PPIP5K2: variants seen among roughly 807,000 people sequenced by gnomAD.
PPIP5K2 encodes the protein diphosphoinositol pentakisphosphate kinase 2.
A neutral mutation model predicts 154.6 loss-of-function variants in PPIP5K2; 105 were observed. The ratio of observed to expected loss-of-function variants is 0.68; its 90% confidence interval spans 0.58 to 0.80. The LOEUF (loss-of-function observed/expected upper bound fraction) is 0.80. Among genes scored for constraint, PPIP5K2 ranks in the 30% least tolerant of loss-of-function variants. The pLI, the probability that PPIP5K2 is intolerant of heterozygous loss-of-function variation, is 0.00. For synonymous variants in PPIP5K2, 480 were observed against 490.3 expected (o/e 0.98, Z 0.28); for missense variants, 992 against 1,504.6 (o/e 0.66, Z 5.64).
chr5:103,163,107 T>G (rs1172829695), intron 17 of PPIP5K2, among the ~76,000 whole-genome samples: 1 of 141,746 alleles, frequency 7.1e-6, no homozygotes, highest in African/African-American at 2.8e-5. Context: ...TTTTTTTTTT[T>G]GCATTTTCAT....
In PPIP5K2 at chr5:103,183,438, TC is replaced by T. The variant is rs782000632; in HGVS notation, c.3096+33del. ...TAAACTTTACTTCATTAAACATTTT[TC>T]CTCCCTGCATTCAGAGCAACAAACA... On this transcript the variant is annotated intron_variant, in intron 25 of 30. Transcript: ENST00000358359. 66 of 1,570,900 alleles carry T rather than the reference TC, an allele frequency of 4.2e-5. No homozygotes were observed. In the African/African-American group the frequency reaches 7.6e-4, roughly 18 times the overall value.
At chr5:103,123,057 A>C (rs1554199594) in intron 1 of PPIP5K2, among the ~76,000 whole-genome samples, 2 of 152,224 alleles carry the variant, frequency 1.3e-5, no homozygotes, top group Admixed American at 6.5e-5. Flanking sequence ...TTCATTAGAC[A>C]AGAGGTAAGT....
At chr5:103,195,565 T>C (rs1554228267) in intron 30 of PPIP5K2, among the ~76,000 whole-genome samples, 1 of 152,228 alleles carries the variant, frequency 6.6e-6, no homozygotes, top group Non-Finnish European at 1.5e-5. Flanking sequence ...TTTTTCTACT[T>C]TAATTATGTG....
Position 103,153,830 on chromosome 5 carries a change from T to C in PPIP5K2, c.1131-18T>C, listed in dbSNP as rs781878110. The C allele has an allele frequency of 3.6e-5, 55 of 1,535,896 alleles. 2 individuals are homozygous for C. The South Asian group carries it at 5.1e-4, about 14-fold the overall frequency. On this transcript the variant is annotated intron_variant, in intron 10 of 30. Coordinates refer to ENST00000358359, the MANE Select transcript of PPIP5K2 (RefSeq NM_001276277.3). ...TCTTTTTTAGAGAATTAAGAACATA[T>C]ATATTTTTTCATTTTAGGATGGAAC...
intron 24 of PPIP5K2, among the ~76,000 whole-genome samples, chr5:103,182,079 G>A (rs576615825): frequency 6.6e-6 from 1 of 152,172 alleles, no homozygotes; most frequent in African/African-American, 2.4e-5. Context: ...CAGAAAATTT[G>A]GGAAATAAGC....
Position 103,184,752 on chromosome 5 carries a change from G to C in PPIP5K2, c.3169+8G>C. On this transcript the variant is annotated splice_region_variant and intron_variant, in intron 26 of 30. Transcript: ENST00000358359. ...AGCAGAATCCTACTGTAGGTATGTG[G>C]TGTAAAGGAAATTGTGTTCCATACC... is the stretch of plus-strand genomic sequence containing the variant. 1.9e-6 allele frequency: 3 copies of C among 1,606,236 alleles called. No individual in the cohort carries two copies. Among genetic ancestry groups the C allele is most frequent in the Non-Finnish European group, 2.6e-6 (3 of 1,173,200 alleles).
At chr5:103,179,537 C>T (rs902115147) in intron 23 of PPIP5K2, among the ~76,000 whole-genome samples, 74 of 152,110 alleles carry the variant, frequency 4.9e-4, no homozygotes, top group African/African-American at 1.8e-3. Flanking sequence ...CTTAATGAGT[C>T]ACTGAATGAT....
chr5:103,144,016 T>C (rs1350931326), intron 5 of PPIP5K2, among the ~76,000 whole-genome samples: 2 of 152,194 alleles, frequency 1.3e-5, no homozygotes, highest in African/African-American at 2.4e-5. Context: ...ATAGATGATA[T>C]GATCTTACAG....
At position 103,201,607 on chromosome 5, in the gene PPIP5K2, C is replaced by CA. The variant is rs201392612; in HGVS notation, c.3713dup (p.Asn1238LysfsTer10). 2.1e-4 allele frequency: 333 copies of CA among 1,594,804 alleles called. No homozygotes were observed. In the East Asian group the frequency reaches 4.8e-3, roughly 23 times the overall value. On this transcript the variant is annotated frameshift_variant, in exon 31 of 31. Coordinates refer to ENST00000358359, the MANE Select transcript of PPIP5K2 (RefSeq NM_001276277.3). LOFTEE classifies it high-confidence loss of function. Reference sequence around the variant, plus strand: ...CTAGCAAAACAGAAACGCATGAACACAAAAAAAACACTGGGAAAAAGAAAT... The same window carrying CA: ...CTAGCAAAACAGAAACGCATGAACACAAAAAAAAACACTGGGAAAAAGAAAT...
intron 10 of PPIP5K2, among the ~76,000 whole-genome samples, chr5:103,153,574 T>C (rs1794961259): frequency 6.6e-6 from 1 of 151,950 alleles, no homozygotes; most frequent in African/African-American, 2.4e-5. Flanking sequence ...CATCTACTTT[T>C]ATCCCAGAGT....
chr5:103,161,797 G>A (rs932485419), intron 17 of PPIP5K2, among the ~76,000 whole-genome samples: 1 of 151,916 alleles, frequency 6.6e-6, no homozygotes, highest in Non-Finnish European at 1.5e-5. Context: ...TTTTGATGGG[G>A]TTGTTTGTTT....
chr5:103,196,084 TATTA>T (rs1334239159), intron 30 of PPIP5K2, among the ~76,000 whole-genome samples: 3 of 152,320 alleles, frequency 2.0e-5, no homozygotes, highest in Middle Eastern at 3.4e-3. Flanking sequence ...TGGTAACTGC[TATTA>T]ATTATTATAC....
rs35671301 is a variant in PPIP5K2 at position 103,154,707 on chromosome 5, T to G, written c.1255T>G (p.Ser419Ala). The part of the protein sequence containing the change: ...DLFEKCDGYK[S>A]GKLKLKKPKQ... The stretch of plus-strand genomic sequence containing the variant: ...TTTTGAAAAGTGTGATGGATATAAA[T>G]CAGGGAAATTAAAACTCAAAAAACC... Residue 419 changes from serine to alanine, a missense_variant, in exon 12 of 31, where the codon TCA becomes GCA. By Grantham distance (99) the Ser-to-Ala change is moderately conservative. Transcript: ENST00000358359. 15,441 of 1,579,160 alleles carry G rather than the reference T, an allele frequency of 9.8e-3. 106 individuals carry two copies. The highest frequency in any genetic ancestry group is 0.012 in the Non-Finnish European group (14,133 of 1,156,986).
chr5:103,137,893 T>C (rs1424883059), intron 4 of PPIP5K2, among the ~76,000 whole-genome samples: 1 of 148,842 alleles, frequency 6.7e-6, no homozygotes, highest in Non-Finnish European at 1.5e-5. Context: ...AGTAAAAGCG[T>C]ACCGAAAGCC....
chr5:103,130,004 A>G lies in PPIP5K2; in HGVS notation c.114+301A>G, dbSNP rs141941444. On this transcript the variant is annotated intron_variant, in intron 2 of 30. Transcript: ENST00000358359. ...GCCATAAATCCAAAAGCTTTCTTGT[A>G]TGTAGAAATACATAACAAATAATTG... is the stretch of plus-strand genomic sequence containing the variant. Among the ~76,000 whole-genome samples the G allele has an allele frequency of 5.5e-4, 84 of 152,314 alleles. No individual in the cohort carries two copies. In the East Asian group the frequency reaches 0.013, roughly 23 times the overall value.
At chr5:103,197,289 CAATT>C (rs1554228832) in intron 30 of PPIP5K2, among the ~76,000 whole-genome samples, 2 of 152,030 alleles carry the variant, frequency 1.3e-5, no homozygotes, top group African/African-American at 4.8e-5. Context: ...AATTTTATAT[CAATT>C]AATTTTGATA....
chr5:103,160,220 A>C (rs1184452829), intron 17 of PPIP5K2, among the ~76,000 whole-genome samples: 1 of 152,196 alleles, frequency 6.6e-6, no homozygotes, highest in Non-Finnish European at 1.5e-5. Context: ...ACAGTGTTAC[A>C]ATAAAAATGG....
intron 1 of PPIP5K2, among the ~76,000 whole-genome samples, chr5:103,126,723 C>T (rs1040478022): frequency 1.3e-4 from 19 of 149,708 alleles, no homozygotes; most frequent in Non-Finnish European, 2.7e-4. Flanking sequence ...GGAGGCTAAG[C>T]TAGTCTATCT....
intron 14 of PPIP5K2, 129 bp from the exon 15 acceptor site, chr5:103,158,059 T>G (rs537953265): frequency 9.9e-7 from 1 of 1,006,728 alleles, no homozygotes; most frequent in South Asian, 1.8e-5. Context: ...CAACAGCATT[T>G]AAGGAAGAAA....
Sources: allele counts gnomAD v4.1 joint callset (sites outside exome capture counted in the v4.1 genomes callset), GRCh38; gene constraint gnomAD v4.1.1; transcripts MANE v1.5; gene names NCBI Gene and HGNC (gene_info 2026-07-23, HGNC 2026-07-21).